DPP9: variants seen among roughly 807,000 people sequenced by gnomAD.
The protein encoded by DPP9 is dipeptidyl peptidase IV-related protein-2.
Under a neutral mutation model 110.7 loss-of-function variants are expected in DPP9, and 50 were observed. The ratio of observed to expected loss-of-function variants is 0.45; its 90% CI spans 0.36 to 0.57. The LOEUF is 0.57. Among genes scored for constraint, DPP9 ranks in the 20% least tolerant of loss-of-function variants. The pLI, the probability that DPP9 is intolerant of heterozygous loss-of-function variation, is 0.00. For missense variants in DPP9, 1,022 were observed against 1,217.9 expected (o/e 0.84, Z 2.39); for synonymous variants, 561 against 514.4 (o/e 1.09, Z -1.23).
rs901379883 is a variant in DPP9, at chr19:4,710,739, G to A, written c.313+3342C>T. Reference sequence around the variant, plus strand: ...CAGGGGCTGGGGGGAGGCCTGCCCCGAGAACCTGGATGTGACGTGAGCTCA... The same window carrying A: ...CAGGGGCTGGGGGGAGGCCTGCCCCAAGAACCTGGATGTGACGTGAGCTCA... On this transcript the variant is annotated intron_variant, in intron 4 of 21. Coordinates refer to ENST00000262960, the MANE Select transcript of DPP9 (RefSeq NM_139159.5). The surrounding 1 kb of genome is among the most constrained non-coding windows in gnomAD (Gnocchi z 5.6). 3.3e-5 allele frequency among the ~76,000 whole-genome samples: 5 copies of A among 152,168 alleles called. No individual in the cohort carries two copies. The highest frequency in any genetic ancestry group is 1.2e-4 in the African/African-American group (5 of 41,438).
At chr19:4,707,490 C>G (rs144055548) in intron 4 of DPP9, among the ~76,000 whole-genome samples, 1 of 152,058 alleles carries the variant, frequency 6.6e-6, no homozygotes, top group East Asian at 1.9e-4. Context: ...ACATGACTAA[C>G]GACAAGTCAC....
At chr19:4,702,749 G>A (rs1351713799) in intron 7 of DPP9, 33 bp from the exon 8 acceptor site, 4 of 1,458,894 alleles carry the variant, frequency 2.7e-6, no homozygotes, top group Non-Finnish European at 3.7e-6. Context: ...TCAACAAGGG[G>A]TGAGCAGCCT....
At chr19:4,712,615 C>T (rs1050492064) in intron 4 of DPP9, among the ~76,000 whole-genome samples, 1 of 152,138 alleles carries the variant, frequency 6.6e-6, no homozygotes, top group Non-Finnish European at 1.5e-5. Context: ...GCCATATGAC[C>T]TCTGTTGCGG....
At chr19:4,691,310 CA>C (rs905650905) in intron 13 of DPP9, among the ~76,000 whole-genome samples, 11 of 144,440 alleles carry the variant, frequency 7.6e-5, no homozygotes, top group Non-Finnish European at 6.1e-5. Flanking sequence ...CCTGTCTCTC[CA>C]AAAAAAAAAG....
rs561928738 is a variant in DPP9 at position 4,684,035 on chromosome 19, G to T, written c.2179-406C>A. ...CACTACCAGCCACATCCCCACCACCGCCACTGCCACGATTTCAATGCTGGT... is the reference window on the plus strand; with the variant it reads ...CACTACCAGCCACATCCCCACCACCTCCACTGCCACGATTTCAATGCTGGT... On this transcript the variant is annotated intron_variant, in intron 18 of 21. Transcript: ENST00000262960. This position sits in a 1 kb window ranked among gnomAD's most constrained non-coding sequence, Gnocchi z 4.8. The T allele has an allele frequency of 2.7e-6, 1 of 373,710 alleles. No individual in the cohort carries two copies. The highest frequency in any genetic ancestry group is 2.1e-5 in the South Asian group (1 of 47,292). 23.1% of individuals were successfully genotyped at this position (373,710 alleles called of 1,614,324 possible). A position where few individuals can be genotyped will look rare whatever the true frequency, so the allele number is the denominator to read the frequency against.
chr19:4,690,936 T>C lies in DPP9; in HGVS notation c.1538A>G (p.Lys513Arg), dbSNP rs1400449609. The C allele has an allele frequency of 6.2e-7, 1 of 1,613,174 alleles. No homozygotes were observed. The change falls in exon 14 of 22, where the codon AAG becomes AGG. Residue 513 changes from lysine (K) to arginine (R), a missense_variant. Lys to Arg is a conservative substitution (Grantham distance 26, BLOSUM62 2). Coordinates refer to ENST00000262960, the MANE Select transcript of DPP9 (RefSeq NM_139159.5). ...PGEDEFKCPI[K>R]EEIALTSGEW... is the part of the protein sequence containing the mutation. Reference sequence around the variant, plus strand: ...ACCGCTGGTCAGAGCAATCTCTTCCTTAATGGGGCACTTAAATTCATCTGG... The same window carrying C: ...ACCGCTGGTCAGAGCAATCTCTTCCCTAATGGGGCACTTAAATTCATCTGG...
chr19:4,700,392 T>A lies in DPP9; in HGVS notation c.1013-115A>T. ...TCCACAGAGAGGTGTACAATTGGAG[T>A]GGGGGAGGCAGGAGAAGCCAGGTGT... is the stretch of plus-strand genomic sequence containing the variant. On this transcript the variant is annotated intron_variant, in intron 9 of 21. Transcript: ENST00000262960. The surrounding 1 kb of genome is among the most constrained non-coding windows in gnomAD (Gnocchi z 4.3). The A allele has an allele frequency of 1.3e-6, 1 of 743,194 alleles. No homozygotes were observed. Among genetic ancestry groups the A allele is most frequent in the Non-Finnish European group, 2.0e-6 (1 of 489,482 alleles). 46.0% of individuals were successfully genotyped at this position (743,194 alleles called of 1,614,324 possible).
intron 21 of DPP9, chr19:4,679,552 C>A: frequency 2.2e-6 from 1 of 448,884 alleles, no homozygotes; most frequent in Non-Finnish European, 4.0e-6. Context: ...AAGGGTTCCT[C>A]CCTCCATTAG....
chr19:4,713,957 T>A, intron 4 of DPP9, 124 bp downstream of exon 4: 1 of 1,353,618 alleles, frequency 7.4e-7, no homozygotes, highest in Non-Finnish European at 9.7e-7. Context: ...AAGGACAGCA[T>A]GCCCAGGGCC....
rs202247368 is a variant in DPP9, at chr19:4,684,853, C to T, written c.2032-44G>A. ...CAGCAGTCCAGCACGAGATGCCGGGCAGGACGGGCCTGGCAGGGGAGATGC... is the reference window on the plus strand; with the variant it reads ...CAGCAGTCCAGCACGAGATGCCGGGTAGGACGGGCCTGGCAGGGGAGATGC... On this transcript the variant is annotated intron_variant, in intron 17 of 21. Transcript: ENST00000262960. The surrounding 1 kb of genome is among the most constrained non-coding windows in gnomAD (Gnocchi z 4.8). 3.1e-5 allele frequency: 48 copies of T among 1,564,446 alleles called. No individual in the cohort carries two copies. In the African/African-American group the frequency reaches 6.0e-4, roughly 19 times the overall value.
At chr19:4,683,219 C>G (rs1272162887) in intron 19 of DPP9, 1 of 1,432,314 alleles carries the variant, frequency 7.0e-7, no homozygotes, top group South Asian at 1.5e-5. Context: ...GGGTCCCGGG[C>G]TCAGCCTCCC....
rs532968129 is a variant in DPP9, at chr19:4,684,169, G to A, written c.2178+494C>T. ...GGGGCCCTTATAAAAGGGCCTGATG[G>A]AGGGAGGCCACGGCTTTTCCGCTCC... On this transcript the variant is annotated intron_variant, in intron 18 of 21. Transcript: ENST00000262960. The surrounding 1 kb of genome is among the most constrained non-coding windows in gnomAD (Gnocchi z 4.8). The A allele has an allele frequency of 1.8e-4, 49 of 276,670 alleles. No homozygotes were observed. The highest frequency in any genetic ancestry group is 1.0e-3 in the African/African-American group (47 of 45,756). The allele number at this position is 276,670 out of a possible 1,614,324, so 17.1% of individuals were successfully genotyped here.
At chr19:4,691,039 G>A (rs772182239) in intron 13 of DPP9, 82 bp from the exon 14 acceptor site, 11 of 1,061,186 alleles carry the variant, frequency 1.0e-5, no homozygotes, top group Admixed American at 8.0e-5. Flanking sequence ...AATTCCACCC[G>A]AGCAGACTCA....
chr19:4,684,891 G>A lies in DPP9; in HGVS notation c.2032-82C>T. On this transcript the variant is annotated intron_variant, in intron 17 of 21. Coordinates refer to ENST00000262960, the MANE Select transcript of DPP9 (RefSeq NM_139159.5). This position sits in a 1 kb window ranked among gnomAD's most constrained non-coding sequence, Gnocchi z 4.8. ...GCAGGGGAGATGCCGGTGGGCTGGG[G>A]ACCGGGCCGGGCTGGGGCCTCAGAG... is the stretch of plus-strand genomic sequence containing the variant. The A allele has an allele frequency of 6.5e-7, 1 of 1,532,588 alleles. No homozygotes were observed. The highest frequency in any genetic ancestry group is 1.2e-5 in the South Asian group (1 of 83,312). 94.9% of individuals were successfully genotyped at this position (1,532,588 alleles called of 1,614,324 possible).
chr19:4,697,078 G>A (rs1435768284), intron 11 of DPP9, among the ~76,000 whole-genome samples: 2 of 151,514 alleles, frequency 1.3e-5, no homozygotes, highest in Non-Finnish European at 2.9e-5. Flanking sequence ...CAGCTTGGGC[G>A]ACAGAGCGAG....
intron 5 of DPP9, among the ~76,000 whole-genome samples, 197 bp downstream of exon 5, chr19:4,705,661 G>C (rs2048020962): frequency 6.6e-6 from 1 of 152,270 alleles, no homozygotes. Context: ...CTTTTGGTAA[G>C]AGTTTCTCTG....
chr19:4,712,008 C>G (rs2092858868), intron 4 of DPP9, among the ~76,000 whole-genome samples: 1 of 152,164 alleles, frequency 6.6e-6, no homozygotes, highest in Admixed American at 6.5e-5. Context: ...TTCTGCCCTC[C>G]AGAAGTGTGA....
At chr19:4,701,188 G>T (rs2092228469) in intron 9 of DPP9, among the ~76,000 whole-genome samples, 1 of 152,198 alleles carries the variant, frequency 6.6e-6, no homozygotes, top group Non-Finnish European at 1.5e-5. Flanking sequence ...ATTGGGAGTG[G>T]CCGGGCGTGT....
chr19:4,691,360 A>C (rs2091297614), intron 13 of DPP9, among the ~76,000 whole-genome samples: 2 of 151,934 alleles, frequency 1.3e-5, no homozygotes, highest in Admixed American at 1.3e-4. Flanking sequence ...CCTGTGGTCC[A>C]AGCTACTTGG....
Sources: gnomAD v4.1 joint callset for allele counts (sites outside exome capture counted in the v4.1 genomes callset) on GRCh38, gnomAD v4.1.1 for gene constraint, Gnocchi (gnomAD v3.1) non-coding constraint, MANE v1.5 for transcripts, NCBI Gene and HGNC (gene_info 2026-07-23, HGNC 2026-07-21) for gene names.